HRH4: variants seen among roughly 807,000 people sequenced by gnomAD.
HRH4 encodes the protein histamine H4 receptor.
In HRH4, 12 loss-of-function variants were observed where a neutral mutation model predicts 10.4. The ratio of observed to expected loss-of-function variants is 1.15; its 90% CI spans 0.74 to 1.87. The LOEUF is 1.87. Among genes scored for constraint, HRH4 ranks in the 40% most tolerant of loss-of-function variants. HRH4 has a pLI of 0.00. For missense variants in HRH4, 415 were observed against 453.3 expected (o/e 0.92, Z 0.77); for synonymous variants, 154 against 166.6 (o/e 0.92, Z 0.58).
intron 2 of HRH4, among the ~76,000 whole-genome samples, chr18:24,471,842 T>C (rs1002803951): frequency 6.6e-6 from 1 of 152,112 alleles, no homozygotes; most frequent in Non-Finnish European, 1.5e-5. Context: ...CCTTTCTTTC[T>C]GGGTTAACAT....
intron 2 of HRH4, among the ~76,000 whole-genome samples, chr18:24,472,036 CT>C (rs1003981912): frequency 6.6e-6 from 1 of 151,850 alleles, no homozygotes; most frequent in African/African-American, 2.4e-5. Flanking sequence ...TGTTTTTTTG[CT>C]TTTTTTGTTT....
chr18:24,463,421 C>T (rs1909691991), intron 1 of HRH4, among the ~76,000 whole-genome samples: 1 of 152,194 alleles, frequency 6.6e-6, no homozygotes, highest in South Asian at 2.1e-4. Context: ...TCCCTGGGAG[C>T]TTTTTGTAAC....
chr18:24,468,985 G>A, intron 2 of HRH4, 34 bp downstream of exon 2: 3 of 1,531,142 alleles, frequency 2.0e-6, no homozygotes, highest in Non-Finnish European at 2.6e-6. Flanking sequence ...CCCCTTAGAA[G>A]ATTATGTAAA....
rs375299984 is a variant in HRH4, at chr18:24,468,753, C to T, written c.194-35C>T. On this transcript the variant is annotated intron_variant, in intron 1 of 2. Coordinates refer to ENST00000256906, the MANE Select transcript of HRH4 (RefSeq NM_021624.4). Reference sequence around the variant, plus strand: ...ATGCACATTTGTGTTCATTGATGTGCGCTATGTTTTTACACTTATGTTTTC... The same window carrying T: ...ATGCACATTTGTGTTCATTGATGTGTGCTATGTTTTTACACTTATGTTTTC... 1.4e-4 allele frequency: 214 copies of T among 1,577,468 alleles called. 1 individual carries two copies. The highest frequency in any genetic ancestry group is 5.0e-4 in the East Asian group (22 of 44,356).
At chr18:24,470,925 G>A (rs1463311349) in intron 2 of HRH4, among the ~76,000 whole-genome samples, 1 of 139,958 alleles carries the variant, frequency 7.1e-6, no homozygotes, top group Non-Finnish European at 1.5e-5. Flanking sequence ...TCCAGAGCAA[G>A]GGATTTTTTT....
intron 1 of HRH4, among the ~76,000 whole-genome samples, chr18:24,463,398 C>T (rs1469184200): frequency 6.6e-6 from 1 of 152,192 alleles, no homozygotes; most frequent in African/African-American, 2.4e-5. Context: ...ATGCAGGGCT[C>T]ACCATGACAC....
At chr18:24,463,966 C>T (rs1299842155) in intron 1 of HRH4, among the ~76,000 whole-genome samples, 3 of 152,134 alleles carry the variant, frequency 2.0e-5, no homozygotes, top group Admixed American at 1.3e-4. Context: ...GTTGTGTTGG[C>T]GTTTGTGGCC....
chr18:24,470,712 C>T (rs1232908107), intron 2 of HRH4, among the ~76,000 whole-genome samples: 2 of 151,318 alleles, frequency 1.3e-5, no homozygotes, highest in Non-Finnish European at 2.9e-5. Flanking sequence ...CCGTGTTGGC[C>T]AGGCTGGTTT....
chr18:24,468,605 G>A (rs1043605109), intron 1 of HRH4, among the ~76,000 whole-genome samples, 183 bp from the exon 2 acceptor site: 12 of 152,178 alleles, frequency 7.9e-5, no homozygotes, highest in Admixed American at 2.0e-4. Context: ...TAAAAATGGC[G>A]TTTAAGGAGT....
At chr18:24,462,688 T>C (rs1479342772) in intron 1 of HRH4, among the ~76,000 whole-genome samples, 1 of 152,100 alleles carries the variant, frequency 6.6e-6, no homozygotes, top group Non-Finnish European at 1.5e-5. Flanking sequence ...GTTGGGGAGA[T>C]TGATTTAGGA....
Position 24,477,010 on chromosome 18 carries a change from C to CAGT in HRH4, c.624_626dup (p.Ser208dup). The CAGT allele has an allele frequency of 1.2e-6, 2 of 1,614,224 alleles. No individual in the cohort carries two copies. The highest frequency in any genetic ancestry group is 1.7e-6 in the Non-Finnish European group (2 of 1,180,044). On this transcript the variant is annotated inframe_insertion, in exon 3 of 3. Transcript: ENST00000256906. Reference sequence around the variant, plus strand: ...GGAGCCTGTGGAAGCGTGATCATCTCAGTAGGTGCCAAAGCCATCCTGGAC... The same window carrying CAGT: ...GGAGCCTGTGGAAGCGTGATCATCTCAGTAGTAGGTGCCAAAGCCATCCTGGAC...
Position 24,479,162 on chromosome 18 carries a change from C to T in HRH4, c.*1600C>T, listed in dbSNP as rs766506358. ...TTTTTTTTTTTTAATTTTGATAAGACAGGGTATTGCCGTGTTGGCCAGACT... is the reference window on the plus strand; with the variant it reads ...TTTTTTTTTTTTAATTTTGATAAGATAGGGTATTGCCGTGTTGGCCAGACT... On this transcript the variant is annotated 3_prime_UTR_variant, in exon 3 of 3. Transcript: ENST00000256906. 4 of 151,398 alleles carry T rather than the reference C, an allele frequency of 2.6e-5. No homozygotes were observed. Among genetic ancestry groups the T allele is most frequent in the African/African-American group, 9.7e-5 (4 of 41,176 alleles). The allele number at this position is 151,398 out of a possible 1,614,324, so 9.4% of individuals were successfully genotyped here.
At chr18:24,471,141 G>GACC (rs1338718708) in intron 2 of HRH4, among the ~76,000 whole-genome samples, 1 of 151,914 alleles carries the variant, frequency 6.6e-6, no homozygotes, top group Non-Finnish European at 1.5e-5. Flanking sequence ...TGGCGCCAGG[G>GACC]ACCACTGCAG....
Position 24,477,055 on chromosome 18 carries a change from CA to C in HRH4, c.667del (p.Ile223SerfsTer45). ...CTGGACTGACTGCTGTCTCTTCCAA[CA>C]TCTGTGGACACTCATTCAGAGGTAG... The part of the protein sequence containing the change: ...HPGLTAVSSN[I>X]CGHSFRGRLS... On this transcript the variant is annotated frameshift_variant, in exon 3 of 3. Coordinates refer to ENST00000256906, the MANE Select transcript of HRH4 (RefSeq NM_021624.4). LOFTEE classifies it low-confidence loss of function (END_TRUNC). The C allele has an allele frequency of 6.2e-7, 1 of 1,614,260 alleles. No homozygotes were observed. The highest frequency in any genetic ancestry group is 8.5e-7 in the Non-Finnish European group (1 of 1,180,042).
intron 1 of HRH4, among the ~76,000 whole-genome samples, chr18:24,465,041 C>T (rs1909737600): frequency 6.6e-6 from 1 of 151,730 alleles, no homozygotes; most frequent in Admixed American, 6.6e-5. Flanking sequence ...AATCCCAGCA[C>T]TTTGAGAGGC....
At chr18:24,464,287 G>A (rs1031966783) in intron 1 of HRH4, among the ~76,000 whole-genome samples, 5 of 152,298 alleles carry the variant, frequency 3.3e-5, no homozygotes, top group South Asian at 2.1e-4. Flanking sequence ...GACGGCTGCC[G>A]TCTACCTGCG....
intron 1 of HRH4, among the ~76,000 whole-genome samples, chr18:24,468,143 T>C (rs1039581985): frequency 1.3e-5 from 2 of 152,168 alleles, no homozygotes; most frequent in Non-Finnish European, 1.5e-5. Flanking sequence ...CTGAAGTCCC[T>C]GATATAAAAT....
At chr18:24,476,643 G>A in intron 2 of HRH4, 104 bp from the exon 3 acceptor site, 1 of 857,230 alleles carries the variant, frequency 1.2e-6, no homozygotes. Flanking sequence ...GTTAGTTAAT[G>A]TCTCCATCCT....
At chr18:24,476,650 T>A in intron 2 of HRH4, 97 bp from the exon 3 acceptor site, 1 of 929,188 alleles carries the variant, frequency 1.1e-6, no homozygotes, top group Non-Finnish European at 1.7e-6. Context: ...AATGTCTCCA[T>A]CCTTTGCACA....
Sources: gnomAD v4.1 joint callset for allele counts (sites outside exome capture counted in the v4.1 genomes callset) on GRCh38, gnomAD v4.1.1 for gene constraint, MANE v1.5 for transcripts, NCBI Gene and HGNC (gene_info 2026-07-23, HGNC 2026-07-21) for gene names.